Variants in SOX5 observed in about 807,000 individuals in gnomAD.
The protein encoded by SOX5 is SRY-box transcription factor 5.
Under a neutral mutation model 92.0 loss-of-function variants are expected in SOX5, and 9 were observed. The ratio of observed to expected loss-of-function variants is 0.10; its 90% CI spans 0.06 to 0.17. SOX5 has a LOEUF of 0.17. Ranked by LOEUF, SOX5 falls within the 10% of genes least tolerant of loss-of-function variation. SOX5 has a pLI of 1.00. For missense variants in SOX5, 642 were observed against 944.5 expected (o/e 0.68, Z 4.20); for synonymous variants, 344 against 336.3 (o/e 1.02, Z -0.25).
At chr12:23,860,007 A>T (rs2096737008) in intron 2 of SOX5, among the ~76,000 whole-genome samples, 1 of 152,210 alleles carries the variant, frequency 6.6e-6, no homozygotes, top group African/African-American at 2.4e-5. Context: ...AATATGAATG[A>T]AACTGGAGGC....
chr12:23,820,097 T>C (rs1341538807), intron 3 of SOX5, among the ~76,000 whole-genome samples: 1 of 152,174 alleles, frequency 6.6e-6, no homozygotes, highest in African/African-American at 2.4e-5. Flanking sequence ...CATCTGTTGT[T>C]TCCTGACTTT....
chr12:24,238,523 T>G (rs544206930), intron 3 of SOX5, among the ~76,000 whole-genome samples: 1 of 152,130 alleles, frequency 6.6e-6, no homozygotes, highest in African/African-American at 2.4e-5. Flanking sequence ...CAGCTTATTT[T>G]TTGTTGTATT....
intron 11 of SOX5, among the ~76,000 whole-genome samples, chr12:23,548,538 G>C (rs1331028721): frequency 6.6e-6 from 1 of 151,966 alleles, no homozygotes; most frequent in Non-Finnish European, 1.5e-5. Flanking sequence ...ACAGACATGA[G>C]AACAGGCAAA....
In SOX5 at chr12:23,979,194, T is replaced by C. The variant is rs143613924; in HGVS notation, c.-1-83170A>G. Among the ~76,000 whole-genome samples the C allele has an allele frequency of 1.1e-4, 17 of 152,232 alleles. No individual in the cohort carries two copies. The East Asian group carries it at 3.1e-3, about 28-fold the overall frequency. On this transcript the variant is annotated intron_variant, in intron 4 of 4. Coordinates refer to the SOX5 transcript ENST00000446891. ...ACAACTAAAAGCTGATTCTAGGACTTTAAAATGGTAATTAATACCTGTGGG... is the reference window on the plus strand; with the variant it reads ...ACAACTAAAAGCTGATTCTAGGACTCTAAAATGGTAATTAATACCTGTGGG...
chr12:23,792,816 C>T (rs1412153930), intron 3 of SOX5, among the ~76,000 whole-genome samples: 1 of 151,898 alleles, frequency 6.6e-6, no homozygotes, highest in Non-Finnish European at 1.5e-5. Flanking sequence ...CTTGCTCTTA[C>T]TTTTGCTTTC....
intron 4 of SOX5, among the ~76,000 whole-genome samples, chr12:24,019,087 C>T (rs573217251): frequency 6.6e-6 from 1 of 152,260 alleles, no homozygotes; most frequent in East Asian, 1.9e-4. Context: ...AACCCTTCCC[C>T]TCCACCACCT....
At chr12:23,572,221 T>A (rs532122585) in intron 10 of SOX5, among the ~76,000 whole-genome samples, 2 of 152,310 alleles carry the variant, frequency 1.3e-5, no homozygotes, top group South Asian at 4.1e-4. Flanking sequence ...ATAACTTAAG[T>A]CATCTTTCAG....
intron 3 of SOX5, among the ~76,000 whole-genome samples, chr12:23,757,623 G>T (rs1006627684): frequency 6.6e-6 from 1 of 151,884 alleles, no homozygotes. Context: ...ACAGGGCACA[G>T]CCAATACGGT....
At chr12:24,494,205 T>C (rs1370791370) in intron 1 of SOX5, among the ~76,000 whole-genome samples, 1 of 152,190 alleles carries the variant, frequency 6.6e-6, no homozygotes, top group African/African-American at 2.4e-5. Context: ...TCGTTCCCCC[T>C]ACAGCAGACA....
chr12:24,074,834 T>C (rs1027637515), intron 4 of SOX5, among the ~76,000 whole-genome samples: 2 of 152,188 alleles, frequency 1.3e-5, no homozygotes, highest in East Asian at 1.9e-4. Context: ...GACTCTACTG[T>C]ATAACTTGGG....
chr12:24,320,869 A>AT (rs1950149345), intron 2 of SOX5, among the ~76,000 whole-genome samples: 2 of 146,034 alleles, frequency 1.4e-5, no homozygotes, highest in African/African-American at 5.3e-5. Context: ...TGTCTCAAAA[A>AT]AAAATAATAA....
At chr12:24,098,965 G>C (rs554312253) in intron 4 of SOX5, among the ~76,000 whole-genome samples, 46 of 152,276 alleles carry the variant, frequency 3.0e-4, no homozygotes, top group African/African-American at 9.9e-4. Context: ...CTATTTGTTA[G>C]TTCTGGAATC....
chr12:23,963,988 C>A (rs563997467), intron 4 of SOX5, among the ~76,000 whole-genome samples: 1 of 151,482 alleles, frequency 6.6e-6, no homozygotes, highest in African/African-American at 2.4e-5. Context: ...ACCAACCAAC[C>A]AACCAAACAA....
chr12:23,648,975 C>G (rs546492268), intron 7 of SOX5, among the ~76,000 whole-genome samples: 1 of 151,990 alleles, frequency 6.6e-6, no homozygotes, highest in African/African-American at 2.4e-5. Flanking sequence ...AATAGCGCTA[C>G]GCTATTTCAA....
intron 1 of SOX5, among the ~76,000 whole-genome samples, chr12:24,462,257 T>G (rs4562917): frequency 1 from 151,599 of 152,314 alleles, 75,447 homozygotes; most frequent in East Asian, 1. Context: ...CAACACAATG[T>G]CAGGTGTGTA....
intron 8 of SOX5, among the ~76,000 whole-genome samples, chr12:23,619,251 G>A (rs944264358): frequency 6.6e-6 from 1 of 152,026 alleles, no homozygotes; most frequent in Admixed American, 6.6e-5. Flanking sequence ...TACATTTCAG[G>A]GGAAATCTGG....
At chr12:23,918,143 T>A (rs1358354419) in intron 1 of SOX5, among the ~76,000 whole-genome samples, 1 of 152,238 alleles carries the variant, frequency 6.6e-6, no homozygotes, top group Non-Finnish European at 1.5e-5. Flanking sequence ...ATATTATGTA[T>A]GTAGACAGAT....
intron 2 of SOX5, among the ~76,000 whole-genome samples, chr12:24,285,352 T>C (rs1240792156): frequency 6.6e-6 from 1 of 152,186 alleles, no homozygotes; most frequent in Non-Finnish European, 1.5e-5. Flanking sequence ...TGGTCCAATA[T>C]TTGCAATGCC....
At chr12:24,334,096 A>G (rs578182246) in intron 2 of SOX5, among the ~76,000 whole-genome samples, 1 of 149,344 alleles carries the variant, frequency 6.7e-6, no homozygotes, top group Non-Finnish European at 1.5e-5. Flanking sequence ...TATATACTAT[A>G]TACCAAATTA....
Sources: gnomAD v4.1 joint callset for allele counts (sites outside exome capture counted in the v4.1 genomes callset) on GRCh38, gnomAD v4.1.1 for gene constraint, MANE v1.5 for transcripts, NCBI Gene and HGNC (gene_info 2026-07-23, HGNC 2026-07-21) for gene names.